DEFB107B: variants seen among roughly 807,000 people sequenced by gnomAD.
The protein encoded by DEFB107B is defensin beta 107B.
chr8:7,496,401 G>A (rs1811737901), intron 1 of DEFB107B, among the ~76,000 whole-genome samples: 1 of 125,304 alleles, frequency 8.0e-6, no homozygotes, highest in South Asian at 2.6e-4. Flanking sequence ...CCAGGTTCAT[G>A]CCATTCTCCT....
At chr8:7,508,167 A>G (rs1261750988) in intron 1 of DEFB107B, among the ~76,000 whole-genome samples, 1 of 139,622 alleles carries the variant, frequency 7.2e-6, no homozygotes, top group East Asian at 2.1e-4. Context: ...TGTAGTTCAC[A>G]GTATCCCAAG....
chr8:7,496,437 C>G (rs1297033516), intron 1 of DEFB107B, among the ~76,000 whole-genome samples: 2 of 149,404 alleles, frequency 1.3e-5, no homozygotes, highest in Admixed American at 6.7e-5. Flanking sequence ...GTAGCTGGGA[C>G]TACACGCACC....
intron 1 of DEFB107B, among the ~76,000 whole-genome samples, chr8:7,497,248 AT>A (rs1811789038): frequency 6.6e-6 from 1 of 151,996 alleles, no homozygotes; most frequent in African/African-American, 2.4e-5. Context: ...TTATTAGTCT[AT>A]TCCTTCTATG....
rs1171104972 is a variant in DEFB107B at position 7,496,290 on chromosome 8, C to CTTTTTTTTTTTTTTTTTTTTTTTT, written c.70+291_70+314dup. On this transcript the variant is annotated intron_variant, in intron 1 of 1. Transcript: ENST00000355602. ...ATCTGCAACGCAGGTTCAGCATATT[C>CTTTTTTTTTTTTTTTTTTTTTTTT]TTTTTTTTTTTTTTTTTTTTTTTTT... Among the ~76,000 whole-genome samples, 3 of 46,830 alleles carry CTTTTTTTTTTTTTTTTTTTTTTTT rather than the reference C, an allele frequency of 6.4e-5. 1 individual carries two copies. The highest frequency in any genetic ancestry group is 3.3e-4 in the African/African-American group (3 of 9,174). 30.7% of individuals were successfully genotyped at this position (46,830 alleles called of 152,430 possible).
At chr8:7,496,629 G>GAAAAA (rs71271687) in intron 1 of DEFB107B, among the ~76,000 whole-genome samples, 1 of 52,620 alleles carries the variant, frequency 1.9e-5, no homozygotes, top group Non-Finnish European at 3.7e-5. Context: ...TCTTTAAAAT[G>GAAAAA]AAAAAAAAAA....
chr8:7,508,132 A>T (rs1264704526), intron 1 of DEFB107B, among the ~76,000 whole-genome samples: 2 of 134,274 alleles, frequency 1.5e-5, no homozygotes, highest in Non-Finnish European at 1.6e-5. Flanking sequence ...CTGATTGTCC[A>T]GTTGCCTGAT....
At chr8:7,496,511 A>G (rs1219539906) in intron 1 of DEFB107B, among the ~76,000 whole-genome samples, 11 of 152,046 alleles carry the variant, frequency 7.2e-5, no homozygotes, top group Non-Finnish European at 1.3e-4. Flanking sequence ...CGTGTTAGCC[A>G]GGATGGTCTT....
At chr8:7,497,233 T>C (rs531709094) in intron 1 of DEFB107B, among the ~76,000 whole-genome samples, 2 of 152,020 alleles carry the variant, frequency 1.3e-5, no homozygotes, top group Non-Finnish European at 2.9e-5. Context: ...TTAATTTGCT[T>C]GAAGTTATTA....
At chr8:7,496,468 T>C (rs1366510476) in intron 1 of DEFB107B, among the ~76,000 whole-genome samples, 4 of 151,940 alleles carry the variant, frequency 2.6e-5, no homozygotes, top group South Asian at 2.1e-4. Flanking sequence ...CCTGGCTAAT[T>C]TTTTTGTATT....
At chr8:7,496,444 C>T (rs1230145298) in intron 1 of DEFB107B, among the ~76,000 whole-genome samples, 6 of 150,394 alleles carry the variant, frequency 4.0e-5, no homozygotes, top group Non-Finnish European at 5.9e-5. Flanking sequence ...GGACTACACG[C>T]ACCCGCCACC....
At chr8:7,497,231 C>T (rs1386841441) in intron 1 of DEFB107B, among the ~76,000 whole-genome samples, 2 of 151,810 alleles carry the variant, frequency 1.3e-5, no homozygotes, top group African/African-American at 2.4e-5. Flanking sequence ...CCTTAATTTG[C>T]TTGAAGTTAT....
chr8:7,502,656 T>A (rs868452065), intron 1 of DEFB107B, among the ~76,000 whole-genome samples: 1 of 17,146 alleles, frequency 5.8e-5, no homozygotes, highest in Non-Finnish European at 1.8e-4. Context: ...TATCTCCTAG[T>A]AATTTTTGAA....
chr8:7,505,706 TAG>T (rs1400531941), intron 1 of DEFB107B, among the ~76,000 whole-genome samples: 2 of 22,822 alleles, frequency 8.8e-5, no homozygotes, highest in South Asian at 1.6e-3. Context: ...CCTCGTGGTT[TAG>T]ACTCTGATGG....
chr8:7,496,507 A>G (rs1203996249), intron 1 of DEFB107B, among the ~76,000 whole-genome samples: 19 of 152,168 alleles, frequency 1.2e-4, no homozygotes, highest in Non-Finnish European at 1.8e-4. Context: ...TCACCGTGTT[A>G]GCCAGGATGG....
chr8:7,496,290 C>CTTCTT (rs1811728681), intron 1 of DEFB107B, among the ~76,000 whole-genome samples: 1 of 46,830 alleles, frequency 2.1e-5, no homozygotes, highest in Non-Finnish European at 3.7e-5. Context: ...TCAGCATATT[C>CTTCTT]TTTTTTTTTT....
chr8:7,508,036 G>T, intron 1 of DEFB107B, among the ~76,000 whole-genome samples: 1 of 53,554 alleles, frequency 1.9e-5, no homozygotes. Context: ...TTTGTTCTCT[G>T]TCCTGATTCA....
At chr8:7,507,235 G>A (rs1235932090) in intron 1 of DEFB107B, among the ~76,000 whole-genome samples, 228 of 18,994 alleles carry the variant, frequency 0.012, 108 homozygotes, top group Admixed American at 0.059. Flanking sequence ...AGAATCTCAA[G>A]GCAGAAGAAT....
intron 1 of DEFB107B, among the ~76,000 whole-genome samples, chr8:7,496,589 C>T (rs1164945912): frequency 4.9e-3 from 715 of 146,274 alleles, no homozygotes; most frequent in Middle Eastern, 7.3e-3. Context: ...CATGAGCCAC[C>T]GCGCCTGGCC....
chr8:7,497,321 G>C lies in DEFB107B; in HGVS notation c.70+1318G>C, dbSNP rs374734691. On this transcript the variant is annotated intron_variant, in intron 1 of 1. Transcript: ENST00000355602. ...CTTTCAATACATTTAACATGTATAA[G>C]TAAGTATATCAATGAGACAGGAAAA... is the stretch of plus-strand genomic sequence containing the variant. Among the ~76,000 whole-genome samples, 270 of 152,042 alleles carry C rather than the reference G, an allele frequency of 1.8e-3. No homozygotes were observed. The East Asian group carries it at 0.027, about 15-fold the overall frequency.
Sources: gnomAD v4.1 joint callset for allele counts (sites outside exome capture counted in the v4.1 genomes callset) on GRCh38, gnomAD v4.1.1 for gene constraint, MANE v1.5 for transcripts, NCBI Gene and HGNC (gene_info 2026-07-23, HGNC 2026-07-21) for gene names.